Variants in ATP10B observed in about 807,000 individuals in gnomAD.
The protein encoded by ATP10B is ATPase phospholipid transporting 10B (putative).
A neutral mutation model predicts 141.2 loss-of-function variants in ATP10B; 122 were observed. The ratio of observed to expected loss-of-function variants is 0.86; its 90% CI spans 0.75 to 1.00. The LOEUF is 1.00. Ranked by LOEUF, ATP10B falls within the 50% of genes least tolerant of loss-of-function variation. The pLI, the probability that ATP10B is intolerant of heterozygous loss-of-function variation, is 0.00. For synonymous variants in ATP10B, 685 were observed against 692.0 expected (o/e 0.99, Z 0.16); for missense variants, 1,876 against 1,825.3 (o/e 1.03, Z -0.51).
chr5:160,705,373 C>T (rs370350735), intron 3 of ATP10B, among the ~76,000 whole-genome samples: 5 of 152,180 alleles, frequency 3.3e-5, no homozygotes, highest in African/African-American at 7.2e-5. Context: ...AGGTGCAGGC[C>T]GCCATGCCTG....
chr5:160,890,821 C>A, the ATP10B span, among the ~76,000 whole-genome samples: 1 of 152,086 alleles, frequency 6.6e-6, no homozygotes, highest in Non-Finnish European at 1.5e-5. Flanking sequence ...TACAAGTGAT[C>A]TTCCCAGCTT....
intron 2 of ATP10B, among the ~76,000 whole-genome samples, chr5:160,743,749 A>G (rs888821758): frequency 4.6e-5 from 7 of 152,220 alleles, no homozygotes; most frequent in Admixed American, 6.5e-5. Flanking sequence ...CTATAGCTAA[A>G]TATTACCTCT....
At chr5:160,579,350 G>A (rs1755401349) in intron 24 of ATP10B, among the ~76,000 whole-genome samples, 1 of 152,280 alleles carries the variant, frequency 6.6e-6, no homozygotes, top group South Asian at 2.1e-4. Context: ...TTTGTATAAG[G>A]TGTAAGGAAG....
At chr5:160,567,607 C>T (rs1216128831) in intron 25 of ATP10B, among the ~76,000 whole-genome samples, 3 of 152,080 alleles carry the variant, frequency 2.0e-5, no homozygotes, top group African/African-American at 7.2e-5. Context: ...AAGCTGAAAA[C>T]TGCAGGATGC....
chr5:160,878,492 A>G, the ATP10B span, among the ~76,000 whole-genome samples: 3 of 152,248 alleles, frequency 2.0e-5, no homozygotes, highest in Admixed American at 6.5e-5. Context: ...CTTCATGTCC[A>G]AAACACCAAA....
chr5:160,789,136 C>T (rs1771388736), intron 1 of ATP10B, among the ~76,000 whole-genome samples: 1 of 152,140 alleles, frequency 6.6e-6, no homozygotes, highest in Admixed American at 6.5e-5. Flanking sequence ...GGATGAAATG[C>T]TGGTGAGACA....
the ATP10B span, among the ~76,000 whole-genome samples, chr5:160,893,037 G>A: frequency 6.6e-6 from 1 of 152,044 alleles, no homozygotes; most frequent in Non-Finnish European, 1.5e-5. Flanking sequence ...TTTTCCTACA[G>A]TCTTCACAAC....
intron 2 of ATP10B, among the ~76,000 whole-genome samples, chr5:160,726,163 T>C (rs1766341295): frequency 1.3e-5 from 2 of 152,110 alleles, no homozygotes; most frequent in Non-Finnish European, 2.9e-5. Context: ...CTTCATAACA[T>C]GGTCAATGTC....
At chr5:160,775,105 G>A (rs1164065071) in intron 2 of ATP10B, among the ~76,000 whole-genome samples, 2 of 152,218 alleles carry the variant, frequency 1.3e-5, no homozygotes, top group East Asian at 1.9e-4. Flanking sequence ...GTGATCTGTA[G>A]CAGTTCTGCA....
At chr5:160,829,315 A>G (rs1317650648) in intron 1 of ATP10B, among the ~76,000 whole-genome samples, 1 of 151,940 alleles carries the variant, frequency 6.6e-6, no homozygotes, top group African/African-American at 2.4e-5. Context: ...ATGGAGCTAC[A>G]TGTCTGTGTT....
chr5:160,591,548 G>C (rs548622551), intron 22 of ATP10B, among the ~76,000 whole-genome samples: 7 of 152,270 alleles, frequency 4.6e-5, no homozygotes, highest in Non-Finnish European at 1.0e-4. Context: ...CAAGTGTAAA[G>C]ATTCTAAAGT....
intron 6 of ATP10B, among the ~76,000 whole-genome samples, chr5:160,680,897 G>A (rs1763354487): frequency 6.6e-6 from 1 of 152,184 alleles, no homozygotes; most frequent in South Asian, 2.1e-4. Flanking sequence ...GCTACCAGAA[G>A]TGTCTTTCTT....
chr5:160,645,198 T>C (rs891489838), intron 8 of ATP10B, among the ~76,000 whole-genome samples: 1 of 151,282 alleles, frequency 6.6e-6, no homozygotes, highest in African/African-American at 2.4e-5. Context: ...AAACTTCCTG[T>C]CACTTTAAAA....
chr5:160,860,991 C>A, the ATP10B span, among the ~76,000 whole-genome samples: 116 of 152,046 alleles, frequency 7.6e-4, 3 homozygotes, highest in Admixed American at 7.6e-3. Context: ...TGCCTGGCCT[C>A]TGTAGCAACT....
intron 19 of ATP10B, among the ~76,000 whole-genome samples, chr5:160,606,539 CCT>C (rs1200126641): frequency 1.3e-5 from 2 of 152,090 alleles, no homozygotes; most frequent in African/African-American, 4.8e-5. Context: ...CCATCTAAAC[CCT>C]GATTTATCTT....
chr5:160,924,378 G>A, the ATP10B span, among the ~76,000 whole-genome samples: 1 of 152,120 alleles, frequency 6.6e-6, no homozygotes, highest in African/African-American at 2.4e-5. Flanking sequence ...AAATAATGAG[G>A]ATAATACTGG....
In ATP10B at chr5:160,675,825, C is replaced by T. The variant is rs551899711; in HGVS notation, c.471-5158G>A. Among the ~76,000 whole-genome samples the T allele has an allele frequency of 6.1e-4, 77 of 125,820 alleles. No homozygotes were observed. In the Admixed American group the frequency reaches 7.0e-3, roughly 11 times the overall value. The allele number at this position is 125,820 out of a possible 152,430, so 82.5% of individuals were successfully genotyped here. ...GGAGGTGGATTAGACTTGCAGGGCT[C>T]AGGGAAGCACCAGAAAGAAACAGCT... On this transcript the variant is annotated intron_variant, in intron 6 of 25. Coordinates refer to ENST00000327245, the MANE Select transcript of ATP10B (RefSeq NM_025153.3).
At chr5:160,903,957 T>A in the ATP10B span, among the ~76,000 whole-genome samples, 3 of 152,080 alleles carry the variant, frequency 2.0e-5, no homozygotes, top group Admixed American at 6.5e-5. Context: ...AGTCAGGATA[T>A]CTATGGGTCA....
intron 2 of ATP10B, among the ~76,000 whole-genome samples, chr5:160,723,649 C>T (rs1766126389): frequency 6.6e-6 from 1 of 152,150 alleles, no homozygotes; most frequent in Admixed American, 6.5e-5. Flanking sequence ...TTCTCTCTCG[C>T]TCTCTTTTCC....
Sources: allele counts gnomAD v4.1 joint callset (sites outside exome capture counted in the v4.1 genomes callset), GRCh38; gene constraint gnomAD v4.1.1; transcripts MANE v1.5; gene names NCBI Gene and HGNC (gene_info 2026-07-23, HGNC 2026-07-21).